Variants in ARHGAP15 observed in about 807,000 individuals in gnomAD.
ARHGAP15 encodes the protein Rho GTPase activating protein 15.
ARHGAP15 carries 51 observed loss-of-function variants against 63.7 expected under a neutral mutation model. The ratio of observed to expected loss-of-function variants is 0.80; its 90% CI spans 0.64 to 1.01. The LOEUF (loss-of-function observed/expected upper bound fraction) is 1.01. ARHGAP15 is among the 50% of genes least tolerant of loss of function. The probability of loss-of-function intolerance (pLI) is 0.00; values close to 1 mark genes in which losing one functional copy is unlikely to be tolerated. For synonymous variants in ARHGAP15, 191 were observed against 193.8 expected (o/e 0.99, Z 0.12); for missense variants, 560 against 564.6 (o/e 0.99, Z 0.08).
chr2:143,317,513 T>A (rs1463821301), intron 6 of ARHGAP15, among the ~76,000 whole-genome samples: 2 of 152,176 alleles, frequency 1.3e-5, no homozygotes, highest in Non-Finnish European at 2.9e-5. Context: ...GAGAAGTAGG[T>A]GATATAGTGA....
chr2:143,624,176 C>G lies in ARHGAP15; in HGVS notation c.1047C>G (p.His349Gln), dbSNP rs766494296. The G allele has an allele frequency of 1.9e-6, 3 of 1,613,608 alleles. No individual in the cohort carries two copies. Among genetic ancestry groups the G allele is most frequent in the Admixed American group, 1.7e-5 (1 of 59,980 alleles). ...NLDDSQWEDI[H>Q]VVTGALKMFF... Reference sequence around the variant, plus strand: ...ACGACAGCCAGTGGGAGGACATCCACGTTGTCACCGGAGCACTGAAGATGT... The same window carrying G: ...ACGACAGCCAGTGGGAGGACATCCAGGTTGTCACCGGAGCACTGAAGATGT... The change falls in exon 12 of 14, where the codon CAC (histidine) becomes CAG (glutamine). Residue 349 changes from histidine to glutamine, a missense_variant. Coordinates refer to ENST00000295095, the MANE Select transcript of ARHGAP15 (RefSeq NM_018460.4).
intron 9 of ARHGAP15, among the ~76,000 whole-genome samples, chr2:143,503,295 A>G (rs867815893): frequency 6.3e-4 from 96 of 152,326 alleles, no homozygotes; most frequent in African/African-American, 2.2e-3. Flanking sequence ...TTGGGTGTGT[A>G]TAATGGGAAG....
At chr2:143,447,124 G>C (rs956852058) in intron 8 of ARHGAP15, among the ~76,000 whole-genome samples, 19 of 152,010 alleles carry the variant, frequency 1.2e-4, no homozygotes, top group Admixed American at 2.0e-4. Context: ...ATGATTTATA[G>C]TCCTTTGGGT....
At chr2:143,652,109 G>T (rs182569514) in intron 12 of ARHGAP15, among the ~76,000 whole-genome samples, 141 of 152,014 alleles carry the variant, frequency 9.3e-4, no homozygotes, top group Non-Finnish European at 9.6e-4. Flanking sequence ...TTCTTTATTA[G>T]TGTAATTTTG....
chr2:143,163,089 C>G (rs16858682), intron 2 of ARHGAP15, among the ~76,000 whole-genome samples: 3,122 of 152,080 alleles, frequency 0.021, 52 homozygotes, highest in Non-Finnish European at 0.031. Context: ...CCTTTGCTTG[C>G]TAGCACTTAG....
intron 10 of ARHGAP15, among the ~76,000 whole-genome samples, chr2:143,520,797 G>T (rs1694030552): frequency 6.6e-6 from 1 of 152,092 alleles, no homozygotes; most frequent in African/African-American, 2.4e-5. Context: ...AGCCCTGACA[G>T]TGTGAGCACT....
chr2:143,452,521 C>T (rs1274291129), intron 8 of ARHGAP15, among the ~76,000 whole-genome samples: 1 of 151,874 alleles, frequency 6.6e-6, no homozygotes, highest in African/African-American at 2.4e-5. Flanking sequence ...CCCAGGATTT[C>T]CTATTTGTTC....
chr2:143,373,002 A>G (rs996087525), intron 6 of ARHGAP15, among the ~76,000 whole-genome samples: 21 of 144,384 alleles, frequency 1.5e-4, no homozygotes, highest in African/African-American at 1.8e-4. Flanking sequence ...AAAAAAAAAA[A>G]TCTAGTGAGG....
chr2:143,534,910 A>C (rs959941521), intron 10 of ARHGAP15, among the ~76,000 whole-genome samples: 1 of 151,872 alleles, frequency 6.6e-6, no homozygotes, highest in African/African-American at 2.4e-5. Context: ...AAACAAAAAA[A>C]CCTATATGAA....
intron 12 of ARHGAP15, among the ~76,000 whole-genome samples, chr2:143,635,511 G>A (rs186158285): frequency 6.6e-6 from 1 of 152,034 alleles, no homozygotes; most frequent in East Asian, 1.9e-4. Context: ...TAGCTTCTAG[G>A]ACTATCATAA....
At chr2:143,135,030 A>G (rs1469046928) in intron 1 of ARHGAP15, among the ~76,000 whole-genome samples, 1 of 152,214 alleles carries the variant, frequency 6.6e-6, no homozygotes, top group Admixed American at 6.5e-5. Context: ...AAAAGGAATG[A>G]AAATAAAGGA....
intron 6 of ARHGAP15, among the ~76,000 whole-genome samples, chr2:143,308,324 C>CA (rs905855513): frequency 2.0e-5 from 3 of 152,048 alleles, no homozygotes; most frequent in African/African-American, 7.2e-5. Flanking sequence ...GGGAAATAAG[C>CA]AAGCACTTTG....
At chr2:143,376,044 A>G (rs1411862055) in intron 6 of ARHGAP15, among the ~76,000 whole-genome samples, 1 of 152,206 alleles carries the variant, frequency 6.6e-6, no homozygotes, top group Non-Finnish European at 1.5e-5. Context: ...GACATCTTCA[A>G]CTTCCGCGTT....
chr2:143,361,954 G>A (rs545571880), intron 6 of ARHGAP15, among the ~76,000 whole-genome samples: 11 of 152,208 alleles, frequency 7.2e-5, no homozygotes, highest in Non-Finnish European at 1.3e-4. Flanking sequence ...CCGTGATCTG[G>A]CTACTGCTTA....
intron 2 of ARHGAP15, among the ~76,000 whole-genome samples, chr2:143,156,463 G>T (rs947273429): frequency 3.3e-5 from 5 of 151,818 alleles, no homozygotes; most frequent in Admixed American, 2.6e-4. Flanking sequence ...GGTTAGCTGG[G>T]GACAGGCTGA....
chr2:143,150,022 G>T (rs1689752772), intron 1 of ARHGAP15, among the ~76,000 whole-genome samples: 1 of 151,866 alleles, frequency 6.6e-6, no homozygotes, highest in African/African-American at 2.4e-5. Context: ...TGATTTGTGG[G>T]TCTATGGCGA....
chr2:143,161,249 T>A (rs1042433869), intron 2 of ARHGAP15, among the ~76,000 whole-genome samples: 1 of 152,062 alleles, frequency 6.6e-6, no homozygotes, highest in Admixed American at 6.6e-5. Flanking sequence ...TAGAAACGTG[T>A]TTCCAGAGGG....
At chr2:143,450,944 C>G (rs1167386250) in intron 8 of ARHGAP15, among the ~76,000 whole-genome samples, 2 of 151,902 alleles carry the variant, frequency 1.3e-5, no homozygotes, top group African/African-American at 4.8e-5. Context: ...AATCCCCTTT[C>G]ATAAATCTTG....
chr2:143,461,280 T>TC (rs1690922849), intron 8 of ARHGAP15, among the ~76,000 whole-genome samples: 1 of 4,448 alleles, frequency 2.2e-4, no homozygotes, highest in African/African-American at 5.6e-4. Flanking sequence ...ACTCTGTCTC[T>TC]CAAAAAAAAA....
Sources: gnomAD v4.1 joint callset for allele counts (sites outside exome capture counted in the v4.1 genomes callset) on GRCh38, gnomAD v4.1.1 for gene constraint, MANE v1.5 for transcripts, NCBI Gene and HGNC (gene_info 2026-07-23, HGNC 2026-07-21) for gene names.